Variants in OR7E24 observed in about 807,000 individuals in gnomAD.
OR7E24 encodes olfactory receptor family 7 subfamily E member 24, also known as olfactory receptor 7E24.
For missense variants in OR7E24, 385 were observed against 410.3 expected, an observed-to-expected ratio of 0.94 and a Z score of 0.53; for synonymous variants, 130 against 157.5, an observed-to-expected ratio of 0.83 and a Z score of 1.31.
the OR7E24 span, among the ~76,000 whole-genome samples, chr19:9,215,341 C>CAAAAAAA: frequency 1.2e-5 from 1 of 83,130 alleles, no homozygotes; most frequent in Non-Finnish European, 2.6e-5. Flanking sequence ...GACTCCGTCT[C>CAAAAAAA]AAAAAAAAAA....
chr19:9,215,744 C>CT, the OR7E24 span, among the ~76,000 whole-genome samples: 1 of 152,168 alleles, frequency 6.6e-6, no homozygotes, highest in African/African-American at 2.4e-5. Flanking sequence ...TCTTATTAAT[C>CT]TTTTCCTTTT....
chr19:9,249,480 A>G (rs1409950758), upstream of OR7E24, among the ~76,000 whole-genome samples: 1 of 152,206 alleles, frequency 6.6e-6, no homozygotes, highest in Non-Finnish European at 1.5e-5. Context: ...ATGGACACAT[A>G]ATAATAGCAT....
At chr19:9,221,859 T>C in the OR7E24 span, among the ~76,000 whole-genome samples, 9 of 152,226 alleles carry the variant, frequency 5.9e-5, no homozygotes. Flanking sequence ...TTTTGTTGTC[T>C]GTGCTTCAGA....
In OR7E24 at chr19:9,251,257, C is replaced by T. The variant is rs990912519; in HGVS notation, c.214C>T (p.His72Tyr). The T allele has an allele frequency of 6.2e-6, 10 of 1,613,936 alleles. No individual in the cohort carries two copies. In the East Asian group the frequency reaches 2.2e-4, roughly 36 times the overall value. Residue 72 changes from histidine to tyrosine, a missense_variant, in exon 1 of 1, where the codon CAC becomes TAC. Coordinates refer to ENST00000456448, the MANE Select transcript of OR7E24 (RefSeq NM_001079935.2). ...CATCCTGGCTGTCAGCTCTGACTCCCACCTCCACACCCCCATGTACTTCTT... is the reference window on the plus strand; with the variant it reads ...CATCCTGGCTGTCAGCTCTGACTCCTACCTCCACACCCCCATGTACTTCTT... Reference protein sequence around the residue: ...LIILAVSSDSHLHTPMYFFLS... With the variant: ...LIILAVSSDSYLHTPMYFFLS...
the OR7E24 span, among the ~76,000 whole-genome samples, chr19:9,236,674 T>C: frequency 1.3e-5 from 2 of 151,980 alleles, no homozygotes; most frequent in Non-Finnish European, 2.9e-5. Flanking sequence ...TCTCTGCACA[T>C]AGTCCTTAAA....
the OR7E24 span, among the ~76,000 whole-genome samples, chr19:9,240,042 T>C: frequency 2.0e-5 from 3 of 152,150 alleles, no homozygotes; most frequent in Non-Finnish European, 4.4e-5. Context: ...TTTTTCTTTT[T>C]TAAAATTTAG....
the OR7E24 span, among the ~76,000 whole-genome samples, chr19:9,223,412 C>A: frequency 6.6e-6 from 1 of 152,304 alleles, no homozygotes; most frequent in South Asian, 2.1e-4. Flanking sequence ...CTATCTGCCT[C>A]CTATGTGACA....
At chr19:9,222,296 T>C in the OR7E24 span, among the ~76,000 whole-genome samples, 312 of 152,348 alleles carry the variant, frequency 2.0e-3, no homozygotes, top group African/African-American at 7.0e-3. Flanking sequence ...CTTTAGCTAT[T>C]TGGTGTCTTT....
chr19:9,218,920 C>T, the OR7E24 span, among the ~76,000 whole-genome samples: 1 of 151,840 alleles, frequency 6.6e-6, no homozygotes, highest in Non-Finnish European at 1.5e-5. Context: ...AGATGTGAGC[C>T]ACTACGTTCA....
the OR7E24 span, chr19:9,219,246 G>C: frequency 1.3e-5 from 2 of 152,180 alleles, no homozygotes. Flanking sequence ...ATAAGTAACT[G>C]GATGTACGAA....
rs2066151902 is a variant in OR7E24 at position 9,252,115 on chromosome 19, A to G, written c.*52A>G. ...GCCTGCAAATTCTGCCTCCTTGGTC[A>G]CATTATTTTGGTTGCTTGATGGCTT... On this transcript the variant is annotated 3_prime_UTR_variant, in exon 1 of 1. Transcript: ENST00000456448. The G allele has an allele frequency of 3.3e-6, 5 of 1,507,448 alleles. No homozygotes were observed. The highest frequency in any genetic ancestry group is 3.6e-6 in the Non-Finnish European group (4 of 1,110,600). The allele number at this position is 1,507,448 out of a possible 1,614,324, so 93.4% of individuals were successfully genotyped here. A position where few individuals can be genotyped will look rare whatever the true frequency, so the allele number is the denominator to read the frequency against.
At chr19:9,236,283 C>T in the OR7E24 span, 101 of 478,734 alleles carry the variant, frequency 2.1e-4, no homozygotes, top group African/African-American at 1.2e-3. Flanking sequence ...GAGGCAGAGG[C>T]GGGCAGATCA....
chr19:9,224,866 A>G, the OR7E24 span, among the ~76,000 whole-genome samples: 2 of 152,186 alleles, frequency 1.3e-5, no homozygotes, highest in Non-Finnish European at 2.9e-5. Flanking sequence ...TGGCCCAAGC[A>G]TAGGGGTGTA....
At chr19:9,239,707 C>CTTT in the OR7E24 span, among the ~76,000 whole-genome samples, 241 of 122,996 alleles carry the variant, frequency 2.0e-3, 3 homozygotes, top group East Asian at 0.024. Flanking sequence ...TTTTCTTTTT[C>CTTT]TTTTTTTTTT....
chr19:9,211,459 A>C, the OR7E24 span: 2 of 152,236 alleles, frequency 1.3e-5, no homozygotes, highest in Non-Finnish European at 2.9e-5. Flanking sequence ...CAAAAACATA[A>C]ATTACCAATG....
upstream of OR7E24, among the ~76,000 whole-genome samples, chr19:9,246,060 CTTTTTTTT>C (rs58590446): frequency 2.6e-5 from 1 of 38,900 alleles, no homozygotes; most frequent in Non-Finnish European, 4.2e-5. Flanking sequence ...TATCAATGTG[CTTTTTTTT>C]TTTTTTTTTT....
the OR7E24 span, chr19:9,235,867 G>A: frequency 1.7e-5 from 27 of 1,608,396 alleles, 2 homozygotes; most frequent in South Asian, 2.6e-4. Context: ...TTCCACCTGT[G>A]GATCTCACCT....
the OR7E24 span, chr19:9,235,829 C>T: frequency 5.0e-6 from 8 of 1,611,206 alleles, no homozygotes; most frequent in Non-Finnish European, 6.8e-6. Flanking sequence ...ATGAGAATGT[C>T]CTCCACCGAG....
At chr19:9,240,186 G>A in the OR7E24 span, among the ~76,000 whole-genome samples, 1 of 152,064 alleles carries the variant, frequency 6.6e-6, no homozygotes, top group African/African-American at 2.4e-5. Flanking sequence ...CTTTAATTTT[G>A]CAATTGTATT....
Sources: allele counts gnomAD v4.1 joint callset (sites outside exome capture counted in the v4.1 genomes callset), GRCh38; gene constraint gnomAD v4.1.1; transcripts MANE v1.5; gene names NCBI Gene and HGNC (gene_info 2026-07-23, HGNC 2026-07-21).